Variants in AK5 observed in about 807,000 individuals in gnomAD.
AK5 encodes the protein adenylate kinase 5.
AK5 carries 27 observed loss-of-function variants against 69.5 expected under a neutral mutation model. The ratio of observed to expected loss-of-function variants is 0.39; its 90% CI spans 0.29 to 0.54. The LOEUF (loss-of-function observed/expected upper bound fraction) is 0.54. Ranked by LOEUF, AK5 falls within the 20% of genes least tolerant of loss-of-function variation. The pLI is 0.71. For missense variants in AK5, 531 were observed against 700.4 expected, an observed-to-expected ratio of 0.76 and a Z score of 2.73; for synonymous variants, 260 against 244.4, an observed-to-expected ratio of 1.06 and a Z score of -0.60.
chr1:77,487,737 CTG>C (rs1285808608), intron 10 of AK5, among the ~76,000 whole-genome samples: 1 of 152,182 alleles, frequency 6.6e-6, no homozygotes, highest in Non-Finnish European at 1.5e-5. Flanking sequence ...GGGTCTCTGA[CTG>C]TAGTTCCTCA....
chr1:77,558,734 C>A lies in AK5; in HGVS notation c.*64C>A. On this transcript the variant is annotated 3_prime_UTR_variant, in exon 14 of 14. Coordinates refer to ENST00000354567, the MANE Select transcript of AK5 (RefSeq NM_174858.3). The stretch of plus-strand genomic sequence containing the variant: ...ACATTAAAAAGTTCATTCCTTAACA[C>A]AATGTTTCAAGTTAAACCTTTTGTG... 2 of 1,184,762 alleles carry A rather than the reference C, an allele frequency of 1.7e-6. No individual in the cohort carries two copies. The highest frequency in any genetic ancestry group is 2.5e-6 in the Non-Finnish European group (2 of 794,182). 73.4% of individuals were successfully genotyped at this position (1,184,762 alleles called of 1,614,324 possible).
At chr1:77,520,552 T>G (rs1351902445) in intron 11 of AK5, among the ~76,000 whole-genome samples, 1 of 152,196 alleles carries the variant, frequency 6.6e-6, no homozygotes, top group African/African-American at 2.4e-5. Context: ...CCTCAGGGCC[T>G]TTGCATTTGC....
intron 6 of AK5, among the ~76,000 whole-genome samples, chr1:77,368,243 A>T (rs1303659618): frequency 5.7e-5 from 1 of 17,664 alleles, no homozygotes; most frequent in Non-Finnish European, 1.4e-4. Flanking sequence ...ATATATATAT[A>T]TATATATATA....
intron 8 of AK5, among the ~76,000 whole-genome samples, chr1:77,475,465 T>TA (rs1553154989): frequency 0.011 from 147 of 12,800 alleles, 4 homozygotes; most frequent in Non-Finnish European, 0.017. Context: ...CAAATATATA[T>TA]TATATATGTA....
chr1:77,292,765 G>T (rs562927305), intron 2 of AK5, among the ~76,000 whole-genome samples: 4 of 152,224 alleles, frequency 2.6e-5, no homozygotes, highest in African/African-American at 9.6e-5. Context: ...CATCACCTGT[G>T]CTTGTCTTTC....
At chr1:77,411,092 G>A in intron 7 of AK5, 21 bp downstream of exon 7, 1 of 1,605,806 alleles carries the variant, frequency 6.2e-7, no homozygotes, top group Non-Finnish European at 8.5e-7. Flanking sequence ...GTGTCCTTTA[G>A]ACAACAGTAC....
chr1:77,431,845 G>A (rs1651660251), intron 8 of AK5, among the ~76,000 whole-genome samples: 3 of 152,064 alleles, frequency 2.0e-5, no homozygotes, highest in African/African-American at 7.2e-5. Flanking sequence ...AAATGAGGAG[G>A]ATTACATAAT....
chr1:77,467,155 G>A (rs2100687683), intron 8 of AK5, among the ~76,000 whole-genome samples: 1 of 152,284 alleles, frequency 6.6e-6, no homozygotes, highest in South Asian at 2.1e-4. Context: ...CCTGGATAGG[G>A]AAAAATGCAT....
rs567223905 is a variant in AK5 at position 77,286,605 on chromosome 1, G to A, written c.61-336G>A. On this transcript the variant is annotated intron_variant, in intron 1 of 13. Transcript: ENST00000354567. The stretch of plus-strand genomic sequence containing the variant: ...CTCATGCCTGTAATCCCAACACTTT[G>A]GAAGGCGGAGGTAGGTGGATCGCTT... Among the ~76,000 whole-genome samples, 4 of 152,176 alleles carry A rather than the reference G, an allele frequency of 2.6e-5. No homozygotes were observed. In the South Asian group the frequency reaches 8.3e-4, roughly 32 times the overall value.
intron 8 of AK5, among the ~76,000 whole-genome samples, chr1:77,435,179 A>C (rs1651881693): frequency 6.6e-6 from 1 of 152,212 alleles, no homozygotes; most frequent in Non-Finnish European, 1.5e-5. Flanking sequence ...GGACAGGAAG[A>C]GCAGAAGGCA....
chr1:77,404,269 C>T (rs1649462772), intron 6 of AK5, among the ~76,000 whole-genome samples: 1 of 152,142 alleles, frequency 6.6e-6, no homozygotes, highest in Non-Finnish European at 1.5e-5. Flanking sequence ...GTGAGGATGG[C>T]TGTCCTGGGT....
At chr1:77,404,967 C>G (rs1649520858) in intron 6 of AK5, among the ~76,000 whole-genome samples, 1 of 152,172 alleles carries the variant, frequency 6.6e-6, no homozygotes, top group African/African-American at 2.4e-5. Flanking sequence ...GTTCAAATTA[C>G]TCGGAGGATA....
chr1:77,360,487 A>G lies in AK5; in HGVS notation c.891+19919A>G, dbSNP rs137993431. The stretch of plus-strand genomic sequence containing the variant: ...ACAGAAACCAGGATAGAGTAGGCAG[A>G]GAAGTTAGGGGGGGTGGATGTCAGA... On this transcript the variant is annotated intron_variant, in intron 6 of 13. Transcript: ENST00000354567. Among the ~76,000 whole-genome samples, 46 of 152,232 alleles carry G rather than the reference A, an allele frequency of 3.0e-4. No homozygotes were observed. In the East Asian group the frequency reaches 8.7e-3, roughly 29 times the overall value.
rs375987112 is a variant in AK5, at chr1:77,393,134, C to A, written c.892-17847C>A. 5.3e-5 allele frequency among the ~76,000 whole-genome samples: 8 copies of A among 152,148 alleles called. No individual in the cohort carries two copies. The East Asian group carries it at 1.4e-3, about 26-fold the overall frequency. ...TTTATTAATTAATTTATTTTTTGTA[C>A]AGACAGGGTCTCACTATGTTGTCCA... is the stretch of plus-strand genomic sequence containing the variant. On this transcript the variant is annotated intron_variant, in intron 6 of 13. Coordinates refer to ENST00000354567, the MANE Select transcript of AK5 (RefSeq NM_174858.3).
intron 8 of AK5, among the ~76,000 whole-genome samples, chr1:77,454,693 C>T (rs376742531): frequency 1.3e-5 from 2 of 152,156 alleles, no homozygotes; most frequent in South Asian, 2.1e-4. Flanking sequence ...CACTTATACC[C>T]GCAGCTCTTC....
chr1:77,448,735 A>T (rs1348623947), intron 8 of AK5, among the ~76,000 whole-genome samples: 3 of 152,212 alleles, frequency 2.0e-5, no homozygotes, highest in Non-Finnish European at 4.4e-5. Flanking sequence ...GAGGGAAGAA[A>T]GAGAGAAGAG....
At chr1:77,466,981 A>G (rs1055747922) in intron 8 of AK5, among the ~76,000 whole-genome samples, 4 of 152,242 alleles carry the variant, frequency 2.6e-5, no homozygotes, top group Non-Finnish European at 5.9e-5. Flanking sequence ...TTTTCCATGT[A>G]TAAAGCAACA....
chr1:77,327,792 T>C (rs1405791806), intron 5 of AK5, among the ~76,000 whole-genome samples: 1 of 152,248 alleles, frequency 6.6e-6, no homozygotes, highest in Non-Finnish European at 1.5e-5. Context: ...TTTTACATTA[T>C]ATGTTATTTG....
At chr1:77,372,845 C>A (rs537072000) in intron 6 of AK5, among the ~76,000 whole-genome samples, 1 of 151,732 alleles carries the variant, frequency 6.6e-6, no homozygotes, top group Non-Finnish European at 1.5e-5. Context: ...AATATTTGTT[C>A]TTAGAATTTT....
Sources: gnomAD v4.1 joint callset for allele counts (sites outside exome capture counted in the v4.1 genomes callset) on GRCh38, gnomAD v4.1.1 for gene constraint, MANE v1.5 for transcripts, NCBI Gene and HGNC (gene_info 2026-07-23, HGNC 2026-07-21) for gene names.